BCR: variants seen among roughly 807,000 people sequenced by gnomAD.
BCR encodes breakpoint cluster region protein.
In BCR, 58 loss-of-function variants were observed where a neutral mutation model predicts 138.6. The ratio of observed to expected loss-of-function variants is 0.42; its 90% CI spans 0.34 to 0.52. BCR has a LOEUF of 0.52. BCR is among the 20% of genes least tolerant of loss of function. The pLI, the probability that BCR is intolerant of heterozygous loss-of-function variation, is 0.06. For missense variants in BCR, 1,599 were observed against 1,727.2 expected (o/e 0.93, Z 1.32); for synonymous variants, 786 against 730.1 (o/e 1.08, Z -1.23).
At chr22:23,182,344 T>C in intron 1 of BCR, 105 bp downstream of exon 1, 1 of 1,316,348 alleles carries the variant, frequency 7.6e-7, no homozygotes, top group Non-Finnish European at 1.0e-6. Context: ...GTGGATAGTT[T>C]TGAGTGTATC....
rs3054871 is a variant in BCR, at chr22:23,230,052, C to CT, written c.1280-23735dup. On this transcript the variant is annotated intron_variant, in intron 1 of 22. Coordinates refer to ENST00000305877, the MANE Select transcript of BCR (RefSeq NM_004327.4). The stretch of plus-strand genomic sequence containing the variant: ...AGAGAGCAAGCTTTTCTGTTTGGTT[C>CT]TTTTTTTTTTTTCCTCTTGTCTGTG... Among the ~76,000 whole-genome samples, 1,209 of 145,926 alleles carry CT rather than the reference C, an allele frequency of 8.3e-3. 19 individuals are homozygous for CT. Among genetic ancestry groups the CT allele is most frequent in the African/African-American group, 0.026 (1,016 of 39,652 alleles).
intron 16 of BCR, among the ~76,000 whole-genome samples, chr22:23,306,589 G>A (rs962831035): frequency 5.3e-5 from 8 of 152,312 alleles, no homozygotes; most frequent in Middle Eastern, 3.4e-3. Flanking sequence ...GGAAATTCCC[G>A]TAACCAATAG....
At chr22:23,275,189 G>T (rs1326765633) in intron 8 of BCR, among the ~76,000 whole-genome samples, 2 of 152,320 alleles carry the variant, frequency 1.3e-5, no homozygotes, top group South Asian at 4.1e-4. Flanking sequence ...GTTTCTCCTG[G>T]TGGGCCTGGC....
intron 1 of BCR, among the ~76,000 whole-genome samples, chr22:23,199,527 C>A (rs1232212997): frequency 6.6e-6 from 1 of 152,144 alleles, no homozygotes; most frequent in Non-Finnish European, 1.5e-5. Flanking sequence ...CTGCTTTGGG[C>A]TGGGCAGCTG....
In BCR at chr22:23,201,915, A is replaced by G. The variant is rs1187379208; in HGVS notation, c.1279+19676A>G. ...AGAGTCATGGGGAAGGTTCCTGTGCAGTATGAGGAAGGTTTAATTTTCTTG... is the reference window on the plus strand; with the variant it reads ...AGAGTCATGGGGAAGGTTCCTGTGCGGTATGAGGAAGGTTTAATTTTCTTG... On this transcript the variant is annotated intron_variant, in intron 1 of 22. Transcript: ENST00000305877. Among the ~76,000 whole-genome samples, 4 of 152,330 alleles carry G rather than the reference A, an allele frequency of 2.6e-5. No homozygotes were observed. The South Asian group carries it at 6.2e-4, about 24-fold the overall frequency.
intron 1 of BCR, among the ~76,000 whole-genome samples, chr22:23,201,398 C>A (rs2072551620): frequency 6.6e-6 from 1 of 152,220 alleles, no homozygotes; most frequent in Non-Finnish European, 1.5e-5. Context: ...TAGAGCCCAC[C>A]CTGTTCATAG....
At chr22:23,252,260 T>TGGTAGGA (rs200472720) in intron 1 of BCR, among the ~76,000 whole-genome samples, 1,636 of 152,036 alleles carry the variant, frequency 0.011, 71 homozygotes, top group Admixed American at 0.087. Context: ...CGGAATAGCA[T>TGGTAGGA]GGTAGGACTC....
chr22:23,273,025 G>A, intron 6 of BCR, 56 bp from the exon 7 acceptor site: 1 of 1,589,268 alleles, frequency 6.3e-7, no homozygotes, highest in Non-Finnish European at 8.6e-7. Context: ...GGGTGGTCAG[G>A]CAGCTGGTGT....
chr22:23,199,143 G>T (rs368302248), intron 1 of BCR: 3 of 329,476 alleles, frequency 9.1e-6, no homozygotes, highest in East Asian at 9.0e-5. Context: ...AAAAGAATTT[G>T]GCCCTAACAA....
intron 1 of BCR, among the ~76,000 whole-genome samples, chr22:23,226,705 T>G (rs2072898413): frequency 6.6e-6 from 1 of 152,222 alleles, no homozygotes; most frequent in Admixed American, 6.5e-5. Flanking sequence ...ATGACAAGGT[T>G]GAGTAGTTGA....
intron 1 of BCR, among the ~76,000 whole-genome samples, chr22:23,229,657 A>G (rs1380901555): frequency 6.6e-6 from 1 of 152,192 alleles, no homozygotes; most frequent in Non-Finnish European, 1.5e-5. Context: ...GTTTTCACAC[A>G]TGTGCAGTTT....
At chr22:23,221,249 C>T (rs533366082) in intron 1 of BCR, among the ~76,000 whole-genome samples, 2 of 152,292 alleles carry the variant, frequency 1.3e-5, no homozygotes, top group East Asian at 1.9e-4. Flanking sequence ...CTTCAGGCTT[C>T]CGAGGCACAT....
chr22:23,226,992 G>A (rs1555876816), intron 1 of BCR, among the ~76,000 whole-genome samples: 1 of 152,200 alleles, frequency 6.6e-6, no homozygotes, highest in Non-Finnish European at 1.5e-5. Context: ...GTGACCTGGA[G>A]GTGTCTGGAG....
intron 14 of BCR, 25 bp downstream of exon 14, chr22:23,290,438 G>C (rs1475470013): frequency 6.2e-7 from 1 of 1,608,882 alleles, no homozygotes; most frequent in East Asian, 2.2e-5. Flanking sequence ...GGGGAGGAGG[G>C]TTGCAGCGGC....
At chr22:23,264,423 A>C (rs961139653) in intron 4 of BCR, 4 of 723,062 alleles carry the variant, frequency 5.5e-6, no homozygotes, top group South Asian at 4.7e-5. Flanking sequence ...CTCTTGCATG[A>C]AGGGTGCAGT....
chr22:23,184,895 A>C (rs927655792), intron 1 of BCR, among the ~76,000 whole-genome samples: 22 of 152,154 alleles, frequency 1.4e-4, no homozygotes, highest in African/African-American at 5.3e-4. Context: ...TCTGAAAAGG[A>C]ACAATGAGGA....
intron 5 of BCR, among the ~76,000 whole-genome samples, chr22:23,270,523 A>T (rs139918626): frequency 5.7e-4 from 86 of 151,784 alleles, no homozygotes; most frequent in African/African-American, 2.0e-3. Flanking sequence ...ACCCCCTTAC[A>T]CCCTTTGGGA....
chr22:23,272,997 C>T, intron 6 of BCR, 84 bp from the exon 7 acceptor site: 9 of 1,472,030 alleles, frequency 6.1e-6, no homozygotes, highest in Non-Finnish European at 8.5e-6. Flanking sequence ...GCCCCCTCCC[C>T]ACTCACCCTT....
At chr22:23,241,883 G>A (rs762477612) in intron 1 of BCR, among the ~76,000 whole-genome samples, 4 of 151,960 alleles carry the variant, frequency 2.6e-5, no homozygotes, top group Non-Finnish European at 5.9e-5. Flanking sequence ...CCTAAATGGA[G>A]CCCAAGTCCT....
Sources: gnomAD v4.1 joint callset for allele counts (sites outside exome capture counted in the v4.1 genomes callset) on GRCh38, gnomAD v4.1.1 for gene constraint, MANE v1.5 for transcripts, NCBI Gene and HGNC (gene_info 2026-07-23, HGNC 2026-07-21) for gene names.